NDUFAF6: variants seen among roughly 807,000 people sequenced by gnomAD.
NDUFAF6 encodes NADH:ubiquinone oxidoreductase complex assembly factor 6.
In NDUFAF6, 45 loss-of-function variants were observed where a neutral mutation model predicts 40.8. That is an observed-to-expected ratio of 1.10 (90% CI 0.87 to 1.42). NDUFAF6 has a LOEUF of 1.42. NDUFAF6 is among the 40% of genes most tolerant of loss of function. NDUFAF6 has a pLI of 0.00. For synonymous variants in NDUFAF6, 185 were observed against 155.9 expected (o/e 1.19, Z -1.39); for missense variants, 435 against 418.5 (o/e 1.04, Z -0.34).
Position 95,005,526 on chromosome 8 carries a change from A to AATATATATAT in NDUFAF6, c.-84+24571_-84+24580dup, listed in dbSNP as rs760333438. 5.4e-3 allele frequency among the ~76,000 whole-genome samples: 39 copies of AATATATATAT among 7,268 alleles called. 1 individual carries two copies. Among genetic ancestry groups the AATATATATAT allele is most frequent in the Non-Finnish European group, 2.4e-3 (9 of 3,692 alleles). 4.8% of individuals were successfully genotyped at this position (7,268 alleles called of 152,430 possible). A position where few individuals can be genotyped will look rare whatever the true frequency, so the allele number is the denominator to read the frequency against. ...CCTCAGGGGAGGACTGGTCCTTTTA[A>AATATATATAT]ATATATATATATATATATATATATA... On this transcript the variant is annotated intron_variant, in intron 2 of 9. Coordinates refer to the NDUFAF6 transcript ENST00000396111.
At chr8:95,049,970 A>G (rs527541980) in intron 7 of NDUFAF6, among the ~76,000 whole-genome samples, 2 of 152,334 alleles carry the variant, frequency 1.3e-5, no homozygotes, top group Non-Finnish European at 2.9e-5. Flanking sequence ...AAGCTCTTTG[A>G]GGGCAAAGAC....
At chr8:95,025,919 A>G (rs1268646139) in intron 1 of NDUFAF6, among the ~76,000 whole-genome samples, 1 of 152,002 alleles carries the variant, frequency 6.6e-6, no homozygotes, top group Non-Finnish European at 1.5e-5. Flanking sequence ...TGCGGCAGGG[A>G]CCCCTGGGAA....
chr8:94,936,687 C>A (rs957306032), intron 1 of NDUFAF6, among the ~76,000 whole-genome samples: 4 of 152,002 alleles, frequency 2.6e-5, no homozygotes, highest in Non-Finnish European at 5.9e-5. Flanking sequence ...CACAACCCTA[C>A]GGAAATTTGA....
At chr8:94,927,506 C>T (rs1323834350) in intron 1 of NDUFAF6, 1 of 152,068 alleles carries the variant, frequency 6.6e-6, no homozygotes, top group African/African-American at 2.4e-5. Context: ...CTTAAAAGCT[C>T]CCTGCGATAG....
At chr8:95,043,494 G>T (rs1484526809) in intron 4 of NDUFAF6, among the ~76,000 whole-genome samples, 1 of 151,872 alleles carries the variant, frequency 6.6e-6, no homozygotes, top group Non-Finnish European at 1.5e-5. Context: ...TCTGATAAGG[G>T]ACAATTATCT....
chr8:95,046,923 C>T lies in NDUFAF6; in HGVS notation c.581-71C>T. 2.5e-6 allele frequency: 4 copies of T among 1,597,270 alleles called. No homozygotes were observed. The South Asian group carries it at 3.3e-5, about 13-fold the overall frequency. On this transcript the variant is annotated intron_variant, in intron 5 of 8. Coordinates refer to ENST00000396124, the MANE Select transcript of NDUFAF6 (RefSeq NM_152416.4). ...CTCCTTTTACATGTTTAGGTTATTT[C>T]TCTATGCTATTTCTATTGATTTATT...
downstream of NDUFAF6, among the ~76,000 whole-genome samples, chr8:95,079,162 G>A (rs1432862878): frequency 6.6e-6 from 1 of 151,862 alleles, no homozygotes; most frequent in Admixed American, 6.6e-5. Flanking sequence ...AGTAGAGACG[G>A]GATTTCTCCA....
chr8:95,105,423 A>G (rs939955612), downstream of NDUFAF6, among the ~76,000 whole-genome samples: 2 of 151,508 alleles, frequency 1.3e-5, no homozygotes, highest in African/African-American at 4.9e-5. Flanking sequence ...GCAGTGGTGC[A>G]ATCATGGCTC....
chr8:94,941,273 C>T (rs1014215747), intron 1 of NDUFAF6, among the ~76,000 whole-genome samples: 7 of 152,164 alleles, frequency 4.6e-5, no homozygotes, highest in Admixed American at 4.6e-4. Flanking sequence ...AATACTCTTA[C>T]TCAAATTCAA....
chr8:94,966,992 C>G (rs1166969822), intron 1 of NDUFAF6, among the ~76,000 whole-genome samples: 3 of 152,104 alleles, frequency 2.0e-5, no homozygotes, highest in African/African-American at 7.2e-5. Context: ...ACTGCACCAA[C>G]TAAATCAGGT....
chr8:94,907,192 C>G (rs1449602982), intron 1 of NDUFAF6, among the ~76,000 whole-genome samples: 2 of 152,176 alleles, frequency 1.3e-5, no homozygotes, highest in Non-Finnish European at 2.9e-5. Flanking sequence ...CTTGTAGCTC[C>G]TATATGTCAT....
At chr8:94,958,005 C>T (rs76399728), upstream of NDUFAF6, 3,923 of 152,512 alleles carry the variant, frequency 0.026, 83 homozygotes, top group Non-Finnish European at 0.038. Context: ...GTCTCTTCTT[C>T]GGCCTTTCTG....
chr8:95,036,412 G>T (rs1829508982), intron 3 of NDUFAF6: 2 of 1,289,326 alleles, frequency 1.6e-6, no homozygotes. Flanking sequence ...CTGGGCCCCA[G>T]ATTGACTTCA....
At chr8:95,105,929 C>T (rs928509881), downstream of NDUFAF6, among the ~76,000 whole-genome samples, 4 of 152,142 alleles carry the variant, frequency 2.6e-5, no homozygotes, top group Non-Finnish European at 4.4e-5. Context: ...AGTCACCTTG[C>T]CTGGCCTAGG....
intron 2 of NDUFAF6, among the ~76,000 whole-genome samples, chr8:95,085,117 T>C (rs1808999510): frequency 6.6e-6 from 1 of 152,118 alleles, no homozygotes; most frequent in African/African-American, 2.4e-5. Flanking sequence ...GGCTATTACC[T>C]GCATATTGGA....
At chr8:95,103,194 T>G (rs1809709745) in exon 3 of NDUFAF6, 1 of 152,190 alleles carries the variant, frequency 6.6e-6, no homozygotes, top group Non-Finnish European at 1.5e-5. Flanking sequence ...TGGTCAGCCC[T>G]TAGGTGTGAG....
intron 2 of NDUFAF6, among the ~76,000 whole-genome samples, chr8:95,006,278 C>G (rs1030006560): frequency 7.1e-6 from 1 of 140,752 alleles, no homozygotes; most frequent in Admixed American, 7.8e-5. Flanking sequence ...TTGCTTGAAC[C>G]TGGGAGGTGG....
Position 95,058,293 on chromosome 8 carries a change from G to A in NDUFAF6, c.*356G>A, listed in dbSNP as rs554378055. On this transcript the variant is annotated 3_prime_UTR_variant, in exon 9 of 9. Coordinates refer to ENST00000396124, the MANE Select transcript of NDUFAF6 (RefSeq NM_152416.4). ...CTCCCTTCACCACTGGGGAAGGAAA[G>A]GGGAAAGGGCTCAAGTTATCATAGG... 27 of 1,286,172 alleles carry A rather than the reference G, an allele frequency of 2.1e-5. No homozygotes were observed. The South Asian group carries it at 4.9e-4, about 23-fold the overall frequency. The allele number at this position is 1,286,172 out of a possible 1,614,324, so 79.7% of individuals were successfully genotyped here. A position where few individuals can be genotyped will look rare whatever the true frequency, so the allele number is the denominator to read the frequency against.
At chr8:94,998,258 A>T (rs914008376) in intron 2 of NDUFAF6, among the ~76,000 whole-genome samples, 40 of 152,292 alleles carry the variant, frequency 2.6e-4, no homozygotes, top group African/African-American at 8.9e-4. Flanking sequence ...CCCGTGCACA[A>T]AGCACAAAAA....
Sources: allele counts gnomAD v4.1 joint callset (sites outside exome capture counted in the v4.1 genomes callset), GRCh38; gene constraint gnomAD v4.1.1; transcripts MANE v1.5; gene names NCBI Gene and HGNC (gene_info 2026-07-23, HGNC 2026-07-21).